Variants in DISP1 observed in about 807,000 individuals in gnomAD.
DISP1 encodes dispatched RND transporter family member 1, also known as protein dispatched homolog 1.
DISP1 carries 30 observed loss-of-function variants against 37.3 expected under a neutral mutation model. The ratio of observed to expected loss-of-function variants is 0.80; its 90% CI spans 0.60 to 1.09. The LOEUF (loss-of-function observed/expected upper bound fraction) is 1.09, where lower values mean the gene tolerates loss of function less well. Ranked by LOEUF, DISP1 falls within the 50% of genes least tolerant of loss-of-function variation. DISP1 has a pLI of 0.00. For synonymous variants in DISP1, 634 were observed against 690.2 expected (o/e 0.92, Z 1.28); for missense variants, 1,598 against 1,879.5 (o/e 0.85, Z 2.77).
In DISP1 at chr1:222,914,727, G is replaced by T. The variant is rs35364426; in HGVS notation, c.-158-13703G>T. ...TAATCCCAGCAATCTGAGAGGCCAA[G>T]GCAGGAGGATCTCTTGAGCCCAAGA... is the stretch of plus-strand genomic sequence containing the variant. On this transcript the variant is annotated intron_variant, in intron 1 of 8. Transcript: ENST00000675850. Among the ~76,000 whole-genome samples, 365 of 152,280 alleles carry T rather than the reference G, an allele frequency of 2.4e-3. 2 individuals are homozygous for T. Among genetic ancestry groups the T allele is most frequent in the East Asian group, 0.013 (65 of 5,178 alleles).
At chr1:222,844,198 T>G (rs745839383) in intron 1 of DISP1, among the ~76,000 whole-genome samples, 1 of 152,190 alleles carries the variant, frequency 6.6e-6, no homozygotes, top group Non-Finnish European at 1.5e-5. Context: ...TTTATTCCTT[T>G]GTGATGTAAG....
chr1:223,000,622 A>C (rs139297561), intron 8 of DISP1, among the ~76,000 whole-genome samples: 218 of 152,332 alleles, frequency 1.4e-3, no homozygotes, highest in African/African-American at 4.5e-3. Context: ...AAATAGTATA[A>C]TGGACTGTCG....
At chr1:222,819,566 G>A (rs1202110879) in intron 1 of DISP1, among the ~76,000 whole-genome samples, 1 of 129,068 alleles carries the variant, frequency 7.7e-6, no homozygotes, top group Non-Finnish European at 1.6e-5. Context: ...TTGACACAGT[G>A]TCTCGCTGTG....
At chr1:222,839,249 T>C (rs1667444042) in intron 1 of DISP1, among the ~76,000 whole-genome samples, 1 of 152,152 alleles carries the variant, frequency 6.6e-6, no homozygotes, top group Non-Finnish European at 1.5e-5. Context: ...GTGAACTCTA[T>C]TGTGAACTGT....
At chr1:222,971,410 G>T (rs200690957) in intron 3 of DISP1, among the ~76,000 whole-genome samples, 1 of 147,620 alleles carries the variant, frequency 6.8e-6, no homozygotes, top group East Asian at 2.0e-4. Context: ...CACCCCCCAA[G>T]TTTTTTTTTT....
At chr1:222,870,095 C>T (rs2125342095) in intron 1 of DISP1, among the ~76,000 whole-genome samples, 1 of 152,230 alleles carries the variant, frequency 6.6e-6, no homozygotes, top group Non-Finnish European at 1.5e-5. Context: ...CAGCTTCATC[C>T]ATGTCCCTAC....
chr1:222,970,469 A>C (rs1676852653), intron 3 of DISP1, among the ~76,000 whole-genome samples: 1 of 152,126 alleles, frequency 6.6e-6, no homozygotes, highest in Non-Finnish European at 1.5e-5. Context: ...TTTATTGCCT[A>C]TTCATGTGAA....
At chr1:222,877,344 T>TA (rs763879161) in intron 1 of DISP1, among the ~76,000 whole-genome samples, 4 of 152,112 alleles carry the variant, frequency 2.6e-5, no homozygotes, top group Non-Finnish European at 4.4e-5. Flanking sequence ...ACTCACCTCT[T>TA]ACGTGGATGG....
intron 1 of DISP1, among the ~76,000 whole-genome samples, chr1:222,851,047 A>C (rs1350606095): frequency 6.6e-6 from 1 of 151,108 alleles, no homozygotes; most frequent in Non-Finnish European, 1.5e-5. Context: ...AAATTTTATG[A>C]ATATGCATTT....
chr1:222,939,922 G>A (rs35488981), intron 2 of DISP1, among the ~76,000 whole-genome samples: 44,502 of 151,624 alleles, frequency 0.29, 7,043 homozygotes, highest in Non-Finnish European at 0.36. Flanking sequence ...TCAGGAGATC[G>A]AGACCATCCT....
rs988822501 is a variant in DISP1 at position 222,893,127 on chromosome 1, T to C, written c.-158-35303T>C. Reference sequence around the variant, plus strand: ...AGATCATTTTTATGTTACGAAAATATCGATCTTATCACAATACCACAATAT... The same window carrying C: ...AGATCATTTTTATGTTACGAAAATACCGATCTTATCACAATACCACAATAT... On this transcript the variant is annotated intron_variant, in intron 1 of 8. Transcript: ENST00000675850. The surrounding 1 kb of genome is among the most constrained non-coding windows in gnomAD (Gnocchi z 4.3). 3.9e-5 allele frequency among the ~76,000 whole-genome samples: 6 copies of C among 152,234 alleles called. No individual in the cohort carries two copies. Among genetic ancestry groups the C allele is most frequent in the Non-Finnish European group, 5.9e-5 (4 of 68,046 alleles).
At chr1:222,829,956 TATTG>T (rs921727022) in intron 1 of DISP1, among the ~76,000 whole-genome samples, 3 of 152,132 alleles carry the variant, frequency 2.0e-5, no homozygotes, top group African/African-American at 7.2e-5. Context: ...TAGCAGATGG[TATTG>T]ATTTAGTGTT....
chr1:222,899,216 A>C (rs1272151011), intron 1 of DISP1, among the ~76,000 whole-genome samples: 1 of 152,136 alleles, frequency 6.6e-6, no homozygotes, highest in Non-Finnish European at 1.5e-5. Context: ...ACCTCCCCCA[A>C]ATTTCAGCCT....
chr1:222,840,855 C>T (rs898412863), intron 1 of DISP1, among the ~76,000 whole-genome samples: 1 of 152,084 alleles, frequency 6.6e-6, no homozygotes, highest in Non-Finnish European at 1.5e-5. Flanking sequence ...AGCCACTGCG[C>T]CCAGCCAGAA....
chr1:222,981,033 G>A (rs1450796703), intron 3 of DISP1, among the ~76,000 whole-genome samples: 6 of 152,306 alleles, frequency 3.9e-5, no homozygotes, highest in East Asian at 1.9e-4. Context: ...AGCCGAGATC[G>A]TGCCACTGCA....
chr1:222,885,200 C>T (rs1670520701), intron 1 of DISP1, among the ~76,000 whole-genome samples: 1 of 152,132 alleles, frequency 6.6e-6, no homozygotes, highest in Non-Finnish European at 1.5e-5. Context: ...TAAGGAAGAT[C>T]CATTTCTTCT....
At chr1:222,887,492 T>G (rs74996946) in intron 1 of DISP1, among the ~76,000 whole-genome samples, 9,050 of 97,792 alleles carry the variant, frequency 0.093, 449 homozygotes, top group Admixed American at 0.12. Context: ...TTTTGTTTTT[T>G]TTTTTTTTTT....
At chr1:222,848,879 G>A (rs532278910) in intron 1 of DISP1, among the ~76,000 whole-genome samples, 97 of 152,256 alleles carry the variant, frequency 6.4e-4, no homozygotes, top group African/African-American at 2.2e-3. Context: ...ATGGGGATGG[G>A]ATGAGAATAC....
chr1:222,961,839 C>G (rs889449016), intron 3 of DISP1, among the ~76,000 whole-genome samples: 1 of 152,044 alleles, frequency 6.6e-6, no homozygotes, highest in African/African-American at 2.4e-5. Context: ...AACCCCGTCT[C>G]TACTAAAAAT....
Sources: allele counts gnomAD v4.1 joint callset (sites outside exome capture counted in the v4.1 genomes callset), GRCh38; gene constraint gnomAD v4.1.1; non-coding constraint Gnocchi (gnomAD v3.1); transcripts MANE v1.5; gene names NCBI Gene and HGNC (gene_info 2026-07-23, HGNC 2026-07-21).